Variants in ATF6 observed in about 807,000 individuals in gnomAD.
The protein encoded by ATF6 is cyclic AMP-dependent transcription factor ATF-6 alpha.
ATF6 carries 53 observed loss-of-function variants against 83.6 expected under a neutral mutation model. The observed-to-expected ratio is 0.63, with a 90% confidence interval of 0.51 to 0.80. The LOEUF (loss-of-function observed/expected upper bound fraction) is 0.80. Ranked by LOEUF, ATF6 falls within the 30% of genes least tolerant of loss-of-function variation. The probability of loss-of-function intolerance (pLI) is 0.00; values close to 1 mark genes in which losing one functional copy is unlikely to be tolerated. For missense variants in ATF6, 744 were observed against 797.9 expected, an observed-to-expected ratio of 0.93 and a Z score of 0.81; for synonymous variants, 288 against 285.8, an observed-to-expected ratio of 1.01 and a Z score of -0.08.
chr1:161,786,675 A>T (rs1684754765), intron 4 of ATF6, among the ~76,000 whole-genome samples: 1 of 152,326 alleles, frequency 6.6e-6, no homozygotes, highest in East Asian at 1.9e-4. Flanking sequence ...TTTCAGAGTA[A>T]GTTACCAGTC....
chr1:161,890,311 G>A (rs1264646048), intron 14 of ATF6, among the ~76,000 whole-genome samples: 2 of 152,192 alleles, frequency 1.3e-5, no homozygotes, highest in Admixed American at 6.5e-5. Flanking sequence ...AAATACCACA[G>A]TGAAATGAAC....
Position 161,963,667 on chromosome 1 carries a change from A to G in ATF6, c.*5013A>G, listed in dbSNP as rs778317131. On this transcript the variant is annotated 3_prime_UTR_variant, in exon 16 of 16. Transcript: ENST00000367942. ...TGATCCATTTTAACTCATCCTTGCC[A>G]TAATTTCCAGGCCAGTCACCAGGAC... 6.6e-6 allele frequency: 1 copy of G among 152,236 alleles called. No homozygotes were observed. Among genetic ancestry groups the G allele is most frequent in the Admixed American group, 6.5e-5 (1 of 15,284 alleles). The allele number at this position is 152,236 out of a possible 1,614,324, so 9.4% of individuals were successfully genotyped here.
chr1:161,934,369 A>G (rs936656998), intron 15 of ATF6, among the ~76,000 whole-genome samples: 2 of 152,214 alleles, frequency 1.3e-5, no homozygotes, highest in African/African-American at 4.8e-5. Context: ...TAGAAACCAC[A>G]ATGCAGTAGG....
intron 14 of ATF6, among the ~76,000 whole-genome samples, chr1:161,885,842 C>T (rs2101863463): frequency 6.6e-6 from 1 of 152,142 alleles, no homozygotes; most frequent in East Asian, 1.9e-4. Context: ...CTTGTAAATC[C>T]AAAATTTCAT....
In ATF6 at chr1:161,960,683, C is replaced by T. The variant is rs776996015; in HGVS notation, c.*2029C>T. On this transcript the variant is annotated 3_prime_UTR_variant, in exon 16 of 16. Transcript: ENST00000367942. ...AAACCTTTTTAAGCAGCGCAGCACT[C>T]CCCTTAGATTTGGCTATCCTGGGTG... 1 of 152,236 alleles carries T rather than the reference C, an allele frequency of 6.6e-6. No individual in the cohort carries two copies. The highest frequency in any genetic ancestry group is 2.4e-5 in the African/African-American group (1 of 41,462). 9.4% of individuals were successfully genotyped at this position (152,236 alleles called of 1,614,324 possible).
intron 14 of ATF6, among the ~76,000 whole-genome samples, chr1:161,871,315 C>A (rs1687118672): frequency 6.6e-6 from 1 of 151,324 alleles, no homozygotes; most frequent in Admixed American, 6.6e-5. Context: ...TGAAAGACTT[C>A]TAAAGTTACT....
intron 4 of ATF6, among the ~76,000 whole-genome samples, chr1:161,786,654 T>G (rs892969307): frequency 1.3e-5 from 2 of 152,224 alleles, no homozygotes; most frequent in Non-Finnish European, 2.9e-5. Flanking sequence ...AACTTGTTTT[T>G]TCCTTATGCA....
rs531212802 is a variant in ATF6 at position 161,881,061 on chromosome 1, G to A, written c.1719+17749G>A. On this transcript the variant is annotated intron_variant, in intron 14 of 15. Transcript: ENST00000367942. ...CATCCATAAATCTTCTTTGGTGAAG[G>A]GTCTGTTCAAATCTTTCCCGATTTT... Among the ~76,000 whole-genome samples the A allele has an allele frequency of 5.9e-5, 9 of 151,968 alleles. No individual in the cohort carries two copies. In the South Asian group the frequency reaches 1.3e-3, roughly 21 times the overall value.
intron 15 of ATF6, among the ~76,000 whole-genome samples, chr1:161,948,985 T>C (rs1386836644): frequency 1.3e-5 from 2 of 152,242 alleles, no homozygotes; most frequent in African/African-American, 2.4e-5. Context: ...GTTTCAGACA[T>C]TGACTTCTCA....
rs1571264671 is a variant in ATF6, at chr1:161,958,762, A to G, written c.*108A>G. 2 of 920,722 alleles carry G rather than the reference A, an allele frequency of 2.2e-6. No individual in the cohort carries two copies. Among genetic ancestry groups the G allele is most frequent in the Non-Finnish European group, 1.6e-6 (1 of 625,630 alleles). 57.0% of individuals were successfully genotyped at this position (920,722 alleles called of 1,614,324 possible). A position where few individuals can be genotyped will look rare whatever the true frequency, so the allele number is the denominator to read the frequency against. ...GGTGGCAGGCAGAGAACTGTCTCGT[A>G]CTAGAATTCAAGGAGGAAAGAAGAA... is the stretch of plus-strand genomic sequence containing the variant. On this transcript the variant is annotated 3_prime_UTR_variant, in exon 16 of 16. Coordinates refer to ENST00000367942, the MANE Select transcript of ATF6 (RefSeq NM_007348.4).
At chr1:161,912,166 C>A (rs1688003991) in intron 14 of ATF6, 130 bp from the exon 15 acceptor site, 3 of 539,860 alleles carry the variant, frequency 5.6e-6, no homozygotes, top group East Asian at 3.2e-5. Flanking sequence ...TTAATTAAGC[C>A]AACTTCAAAT....
At chr1:161,782,689 T>C (rs2134692) in intron 3 of ATF6, among the ~76,000 whole-genome samples, 22,013 of 152,190 alleles carry the variant, frequency 0.14, 2,172 homozygotes, top group East Asian at 0.31. Context: ...CCTCTCTACC[T>C]CTGCACTACC....
At position 161,850,835 on chromosome 1, in the gene ATF6, G is replaced by A. The variant is rs144516131; in HGVS notation, c.1320-887G>A. ...CAAGAGAGATGCAAGCTTTGTTAGT[G>A]AGAGAGATTAAGATTGCAGACTGAA... On this transcript the variant is annotated intron_variant, in intron 10 of 15. Transcript: ENST00000367942. 5.9e-5 allele frequency among the ~76,000 whole-genome samples: 9 copies of A among 152,240 alleles called. No individual in the cohort carries two copies. In the East Asian group the frequency reaches 1.7e-3, roughly 29 times the overall value.
intron 14 of ATF6, among the ~76,000 whole-genome samples, chr1:161,906,291 A>G (rs1687877034): frequency 6.6e-6 from 1 of 152,242 alleles, no homozygotes; most frequent in African/African-American, 2.4e-5. Flanking sequence ...AACTCTCATG[A>G]AAAGAGAAGA....
chr1:161,812,208 G>A (rs924016251), intron 7 of ATF6, among the ~76,000 whole-genome samples: 15 of 152,062 alleles, frequency 9.9e-5, no homozygotes, highest in African/African-American at 3.1e-4. Flanking sequence ...TACAGAGTAA[G>A]GAACAGACAG....
intron 15 of ATF6, among the ~76,000 whole-genome samples, chr1:161,922,635 A>G (rs185149830): frequency 2.8e-3 from 421 of 152,064 alleles, no homozygotes; most frequent in African/African-American, 9.8e-3. Flanking sequence ...CAGTTAAACC[A>G]AGATCTGAAG....
At chr1:161,888,071 C>T (rs1344861256) in intron 14 of ATF6, among the ~76,000 whole-genome samples, 3 of 152,146 alleles carry the variant, frequency 2.0e-5, no homozygotes, top group Non-Finnish European at 4.4e-5. Context: ...CTCTCATTAA[C>T]AAGAACAGGA....
chr1:161,782,384 T>C (rs1376025862), intron 3 of ATF6, among the ~76,000 whole-genome samples: 1 of 152,124 alleles, frequency 6.6e-6, no homozygotes, highest in Non-Finnish European at 1.5e-5. Context: ...ATACATGTAC[T>C]TCTAAGAAGG....
chr1:161,896,194 A>G (rs138385291), intron 14 of ATF6, among the ~76,000 whole-genome samples: 5 of 152,088 alleles, frequency 3.3e-5, no homozygotes, highest in African/African-American at 1.2e-4. Context: ...TGCAACCTCT[A>G]CCTCCCGGTT....
Sources: allele counts gnomAD v4.1 joint callset (sites outside exome capture counted in the v4.1 genomes callset), GRCh38; gene constraint gnomAD v4.1.1; transcripts MANE v1.5; gene names NCBI Gene and HGNC (gene_info 2026-07-23, HGNC 2026-07-21).